CCDC192: variants seen among roughly 807,000 people sequenced by gnomAD.
CCDC192 encodes coiled-coil domain-containing protein 192.
chr5:127,936,771 C>G (rs539053474), intron 6 of CCDC192, among the ~76,000 whole-genome samples: 1 of 152,300 alleles, frequency 6.6e-6, no homozygotes, highest in African/African-American at 2.4e-5. Flanking sequence ...CTGAGAAAAT[C>G]TGGTCAGATA....
chr5:127,772,252 G>C (rs1755597599), intron 3 of CCDC192, among the ~76,000 whole-genome samples: 1 of 152,072 alleles, frequency 6.6e-6, no homozygotes, highest in African/African-American at 2.4e-5. Context: ...CTTGAGATCA[G>C]GAGTTCAAGA....
At chr5:127,841,972 A>T (rs1203701582) in intron 5 of CCDC192, among the ~76,000 whole-genome samples, 2 of 152,210 alleles carry the variant, frequency 1.3e-5, no homozygotes, top group Admixed American at 6.5e-5. Context: ...AGGACAGAAA[A>T]GGGAGTGACA....
intron 6 of CCDC192, among the ~76,000 whole-genome samples, chr5:127,890,159 G>A (rs758962528): frequency 6.6e-6 from 1 of 152,032 alleles, no homozygotes. Context: ...GATGGCTAGA[G>A]CCCAAGAGTT....
At chr5:127,782,730 A>G (rs1415414150) in intron 3 of CCDC192, among the ~76,000 whole-genome samples, 1 of 151,960 alleles carries the variant, frequency 6.6e-6, no homozygotes, top group African/African-American at 2.4e-5. Context: ...CTAACGATGT[A>G]TCAATTTTAT....
chr5:127,901,132 T>C (rs1753027126), intron 6 of CCDC192, among the ~76,000 whole-genome samples: 1 of 152,214 alleles, frequency 6.6e-6, no homozygotes, highest in Admixed American at 6.5e-5. Context: ...TGTAATACAA[T>C]TGGGTATCTA....
At chr5:127,732,283 C>T (rs921632133) in intron 2 of CCDC192, among the ~76,000 whole-genome samples, 54 of 152,246 alleles carry the variant, frequency 3.5e-4, no homozygotes, top group African/African-American at 1.3e-3. Flanking sequence ...CAAATCAAAA[C>T]CACAATGAAA....
chr5:127,726,027 AT>A (rs1048715895), intron 2 of CCDC192, among the ~76,000 whole-genome samples: 2 of 152,144 alleles, frequency 1.3e-5, no homozygotes, highest in African/African-American at 4.8e-5. Context: ...TAAGAAAAAA[AT>A]AATTCCTAGT....
intron 5 of CCDC192, among the ~76,000 whole-genome samples, chr5:127,801,955 G>C (rs888307352): frequency 2.0e-5 from 3 of 152,180 alleles, no homozygotes; most frequent in East Asian, 1.9e-4. Context: ...GGTTGGATCA[G>C]TTGGGTGCCT....
intron 2 of CCDC192, among the ~76,000 whole-genome samples, chr5:127,717,895 G>A (rs1201827708): frequency 8.4e-6 from 1 of 119,028 alleles, no homozygotes; most frequent in African/African-American, 3.2e-5. Flanking sequence ...GAACTATCTT[G>A]TGACCAGAAA....
At chr5:127,819,631 C>G (rs1299552640) in intron 5 of CCDC192, among the ~76,000 whole-genome samples, 1 of 152,148 alleles carries the variant, frequency 6.6e-6, no homozygotes, top group Non-Finnish European at 1.5e-5. Context: ...GCCAAACCCT[C>G]TGATGGTTGT....
chr5:127,934,213 C>T (rs905932593), intron 6 of CCDC192, among the ~76,000 whole-genome samples: 4 of 152,186 alleles, frequency 2.6e-5, no homozygotes, highest in African/African-American at 9.7e-5. Context: ...CTTACTAAAA[C>T]AGACAGATCT....
intron 5 of CCDC192, among the ~76,000 whole-genome samples, chr5:127,819,645 T>A (rs2127016831): frequency 6.6e-6 from 1 of 152,342 alleles, no homozygotes; most frequent in South Asian, 2.1e-4. Context: ...TGGTTGTTTC[T>A]TTTTAGATGT....
chr5:127,885,849 A>G (rs957377104), intron 6 of CCDC192, among the ~76,000 whole-genome samples: 5 of 152,132 alleles, frequency 3.3e-5, no homozygotes, highest in African/African-American at 1.2e-4. Flanking sequence ...GTAATTTACT[A>G]TGGTATTCTA....
chr5:127,832,054 A>G (rs995970185), intron 5 of CCDC192, among the ~76,000 whole-genome samples: 2 of 152,110 alleles, frequency 1.3e-5, no homozygotes, highest in African/African-American at 4.8e-5. Flanking sequence ...TTTAAAAAAG[A>G]AAAAGAAAAA....
At chr5:127,715,882 G>A (rs1306162299) in intron 2 of CCDC192, among the ~76,000 whole-genome samples, 1 of 152,108 alleles carries the variant, frequency 6.6e-6, no homozygotes, top group East Asian at 1.9e-4. Flanking sequence ...TGAAGGCCCT[G>A]TATTTCTTTC....
intron 5 of CCDC192, among the ~76,000 whole-genome samples, chr5:127,807,866 C>T (rs1167686761): frequency 6.6e-6 from 1 of 152,078 alleles, no homozygotes; most frequent in Non-Finnish European, 1.5e-5. Flanking sequence ...TAAGTGAGAT[C>T]AGCAGAGAGC....
intron 6 of CCDC192, among the ~76,000 whole-genome samples, chr5:127,876,533 A>G (rs1487117869): frequency 6.6e-6 from 1 of 152,170 alleles, no homozygotes; most frequent in East Asian, 1.9e-4. Flanking sequence ...GACTCAGGGC[A>G]TTCCCTCTGC....
chr5:127,894,661 A>G (rs1470378610), intron 6 of CCDC192, among the ~76,000 whole-genome samples: 1 of 152,220 alleles, frequency 6.6e-6, no homozygotes, highest in Non-Finnish European at 1.5e-5. Flanking sequence ...CTAAGTAACT[A>G]GCTTCTCCAA....
At chr5:127,915,627 C>T (rs1449315548) in intron 6 of CCDC192, among the ~76,000 whole-genome samples, 3 of 152,218 alleles carry the variant, frequency 2.0e-5, no homozygotes, top group Non-Finnish European at 2.9e-5. Context: ...GTGATCCACC[C>T]GCCTGGGCTT....
Sources: gnomAD v4.1 joint callset for allele counts (sites outside exome capture counted in the v4.1 genomes callset) on GRCh38, gnomAD v4.1.1 for gene constraint, MANE v1.5 for transcripts, NCBI Gene and HGNC (gene_info 2026-07-23, HGNC 2026-07-21) for gene names.